The following LHFPL3 variants were observed in gnomAD, a reference collection of about 807,000 sequenced individuals.
LHFPL3 encodes the protein LHFPL tetraspan subfamily member 3, also known as LHFPL tetraspan subfamily member 3 protein.
Under a neutral mutation model 19.3 loss-of-function variants are expected in LHFPL3, and 5 were observed. The observed-to-expected ratio is 0.26, with a 90% confidence interval of 0.14 to 0.54. LHFPL3 has a LOEUF of 0.54. Ranked by LOEUF, LHFPL3 falls within the 20% of genes least tolerant of loss-of-function variation. LHFPL3 has a pLI of 0.94. For synonymous variants in LHFPL3, 133 were observed against 126.2 expected (o/e 1.05, Z -0.36); for missense variants, 249 against 307.4 (o/e 0.81, Z 1.42).
chr7:104,623,548 T>TAA (rs1791489429), intron 1 of LHFPL3, among the ~76,000 whole-genome samples: 1 of 114,760 alleles, frequency 8.7e-6, no homozygotes, highest in Non-Finnish European at 2.0e-5. Flanking sequence ...GAGAATCGCT[T>TAA]GAGCCTGGGA....
intron 1 of LHFPL3, among the ~76,000 whole-genome samples, chr7:104,476,452 T>G (rs1030478215): frequency 7.8e-4 from 35 of 44,826 alleles, no homozygotes; most frequent in African/African-American, 3.9e-3. Context: ...AGCTTCCCTC[T>G]TTTTTTTTTT....
intron 1 of LHFPL3, among the ~76,000 whole-genome samples, chr7:104,574,315 G>A (rs967022172): frequency 7.9e-5 from 12 of 152,196 alleles, no homozygotes; most frequent in South Asian, 2.1e-4. Flanking sequence ...TAAGTTCTAC[G>A]AAGGGGGCAG....
chr7:104,490,386 A>G (rs1793319371), intron 1 of LHFPL3, among the ~76,000 whole-genome samples: 1 of 152,174 alleles, frequency 6.6e-6, no homozygotes, highest in South Asian at 2.1e-4. Flanking sequence ...AATGCAGCTA[A>G]TCATAAATAA....
At chr7:104,796,343 C>T (rs900520585) in intron 2 of LHFPL3, among the ~76,000 whole-genome samples, 1 of 152,206 alleles carries the variant, frequency 6.6e-6, no homozygotes, top group South Asian at 2.1e-4. Context: ...GCAGAGATAT[C>T]GAGAACTGGC....
chr7:104,434,141 T>C (rs750217928), intron 1 of LHFPL3, among the ~76,000 whole-genome samples: 6 of 152,238 alleles, frequency 3.9e-5, no homozygotes, highest in Non-Finnish European at 7.3e-5. Flanking sequence ...AGTGGATATA[T>C]GCTGTGGACT....
At chr7:104,565,799 A>G (rs1306268051) in intron 1 of LHFPL3, among the ~76,000 whole-genome samples, 1 of 150,986 alleles carries the variant, frequency 6.6e-6, no homozygotes, top group East Asian at 1.9e-4. Context: ...TAATCTATCT[A>G]TCATTCCCCA....
At chr7:104,527,051 CT>C (rs1367770567) in intron 1 of LHFPL3, among the ~76,000 whole-genome samples, 1 of 152,114 alleles carries the variant, frequency 6.6e-6, no homozygotes, top group East Asian at 1.9e-4. Context: ...GAAGATAAGC[CT>C]GGAATGAAGT....
chr7:104,548,824 G>A (rs1311106154), intron 1 of LHFPL3, among the ~76,000 whole-genome samples: 6 of 152,132 alleles, frequency 3.9e-5, no homozygotes, highest in Non-Finnish European at 5.9e-5. Context: ...ACCAGCCTAG[G>A]GAGGATTTGA....
At chr7:104,469,395 C>G (rs1188829973) in intron 1 of LHFPL3, among the ~76,000 whole-genome samples, 2 of 152,138 alleles carry the variant, frequency 1.3e-5, no homozygotes, top group Non-Finnish European at 2.9e-5. Flanking sequence ...TGACTGTTTC[C>G]TGGTAGGCAT....
At chr7:104,684,644 G>GT (rs1235797464) in intron 1 of LHFPL3, among the ~76,000 whole-genome samples, 5 of 152,212 alleles carry the variant, frequency 3.3e-5, no homozygotes, top group Admixed American at 2.6e-4. Context: ...CTGGTCTTCT[G>GT]TCCCACTGGA....
chr7:104,603,137 C>CCCTTCCTT (rs1218436461), intron 1 of LHFPL3, among the ~76,000 whole-genome samples: 2 of 30,668 alleles, frequency 6.5e-5, no homozygotes, highest in South Asian at 2.6e-3. Context: ...TTTCTTTTTT[C>CCCTTCCTT]CCTTCCTTCC....
intron 1 of LHFPL3, among the ~76,000 whole-genome samples, chr7:104,481,491 A>G (rs1793134675): frequency 6.6e-6 from 1 of 151,924 alleles, no homozygotes; most frequent in African/African-American, 2.4e-5. Flanking sequence ...AATCCCCAAC[A>G]CACCTGGACA....
At chr7:104,769,586 C>T (rs549209149) in intron 2 of LHFPL3, among the ~76,000 whole-genome samples, 1 of 151,496 alleles carries the variant, frequency 6.6e-6, no homozygotes, top group South Asian at 2.1e-4. Context: ...TTAGGTATTT[C>T]TGCTAATGCT....
intron 1 of LHFPL3, among the ~76,000 whole-genome samples, chr7:104,662,210 G>C (rs914722300): frequency 6.6e-6 from 1 of 152,182 alleles, no homozygotes; most frequent in Non-Finnish European, 1.5e-5. Flanking sequence ...GGAGACTACC[G>C]TATAAGGACA....
Position 104,662,454 on chromosome 7 carries a change from G to A in LHFPL3, c.446-74221G>A, listed in dbSNP as rs543723550. On this transcript the variant is annotated intron_variant, in intron 1 of 2. Transcript: ENST00000424859. ...TCCATTTTGCAGATGAAGACACTGAGAACAATGACCCTTAATAATTTACCC... is the reference window on the plus strand; with the variant it reads ...TCCATTTTGCAGATGAAGACACTGAAAACAATGACCCTTAATAATTTACCC... 6.6e-5 allele frequency among the ~76,000 whole-genome samples: 10 copies of A among 152,204 alleles called. No homozygotes were observed. In the South Asian group the frequency reaches 1.9e-3, roughly 28 times the overall value.
chr7:104,347,347 C>T (rs1745303501), intron 1 of LHFPL3, among the ~76,000 whole-genome samples: 1 of 152,030 alleles, frequency 6.6e-6, no homozygotes, highest in South Asian at 2.1e-4. Flanking sequence ...CTAGGCCTTT[C>T]TAGGGATTTG....
intron 1 of LHFPL3, among the ~76,000 whole-genome samples, chr7:104,449,837 A>C (rs1792399260): frequency 6.6e-6 from 1 of 152,148 alleles, no homozygotes; most frequent in South Asian, 2.1e-4. Context: ...TCTTCCCAAA[A>C]AATGCTGAAA....
At chr7:104,406,057 C>G (rs1335604179) in intron 1 of LHFPL3, among the ~76,000 whole-genome samples, 2 of 152,196 alleles carry the variant, frequency 1.3e-5, no homozygotes, top group Non-Finnish European at 2.9e-5. Flanking sequence ...CTTGAGCATC[C>G]TCTAGACAAG....
At chr7:104,460,303 G>A (rs1017741283) in intron 1 of LHFPL3, among the ~76,000 whole-genome samples, 5 of 152,114 alleles carry the variant, frequency 3.3e-5, no homozygotes, top group Admixed American at 6.5e-5. Flanking sequence ...TAGTACTACA[G>A]TGAACATTCA....
Sources: gnomAD v4.1 joint callset for allele counts (sites outside exome capture counted in the v4.1 genomes callset) on GRCh38, gnomAD v4.1.1 for gene constraint, MANE v1.5 for transcripts, NCBI Gene and HGNC (gene_info 2026-07-23, HGNC 2026-07-21) for gene names.